Variants in RSPO2 observed in about 807,000 individuals in gnomAD.
RSPO2 encodes the protein R-spondin 2, also known as R-spondin-2.
A neutral mutation model predicts 30.9 loss-of-function variants in RSPO2; 14 were observed. The ratio of observed to expected loss-of-function variants is 0.45; its 90% confidence interval spans 0.30 to 0.71. RSPO2 has a LOEUF of 0.71. RSPO2 is among the 30% of genes least tolerant of loss of function. The pLI, the probability that RSPO2 is intolerant of heterozygous loss-of-function variation, is 0.08. For missense variants in RSPO2, 264 were observed against 301.9 expected, an observed-to-expected ratio of 0.87 and a Z score of 0.93; for synonymous variants, 107 against 96.4, an observed-to-expected ratio of 1.11 and a Z score of -0.64.
chr8:108,042,293 G>C (rs1209512982), intron 2 of RSPO2, among the ~76,000 whole-genome samples: 1 of 152,154 alleles, frequency 6.6e-6, no homozygotes, highest in Non-Finnish European at 1.5e-5. Flanking sequence ...CTGTGGACTG[G>C]TGATAACGTG....
intron 5 of RSPO2, among the ~76,000 whole-genome samples, chr8:107,944,072 A>G (rs1812979615): frequency 6.6e-6 from 1 of 152,258 alleles, no homozygotes; most frequent in African/African-American, 2.4e-5. Context: ...CTCTTCAAAT[A>G]AGCCAAAGTC....
chr8:108,049,590 C>A (rs987639855), intron 2 of RSPO2, among the ~76,000 whole-genome samples: 1 of 151,682 alleles, frequency 6.6e-6, no homozygotes, highest in African/African-American at 2.4e-5. Flanking sequence ...TGTGATGTTC[C>A]CCCCTTCCTG....
At chr8:108,037,198 G>A (rs1314981623) in intron 2 of RSPO2, among the ~76,000 whole-genome samples, 4 of 152,130 alleles carry the variant, frequency 2.6e-5, no homozygotes, top group Non-Finnish European at 5.9e-5. Context: ...TGAATGCAAA[G>A]GAAAAGTTCT....
chr8:107,964,823 C>T (rs921802193), intron 3 of RSPO2, among the ~76,000 whole-genome samples: 1 of 152,144 alleles, frequency 6.6e-6, no homozygotes, highest in African/African-American at 2.4e-5. Flanking sequence ...ACTCTATTAA[C>T]TCATTTTTAT....
At chr8:107,934,217 C>CA (rs574554029) in intron 5 of RSPO2, among the ~76,000 whole-genome samples, 25 of 151,384 alleles carry the variant, frequency 1.7e-4, no homozygotes, top group Admixed American at 7.2e-4. Context: ...AATATGTTGG[C>CA]AAAAAAAATC....
chr8:107,915,383 C>T (rs915305059), intron 5 of RSPO2, among the ~76,000 whole-genome samples: 4 of 152,108 alleles, frequency 2.6e-5, no homozygotes, highest in African/African-American at 7.2e-5. Context: ...GGTTCTGTAG[C>T]ACCGTGGTGG....
chr8:107,965,176 C>G (rs1813757149), intron 3 of RSPO2, among the ~76,000 whole-genome samples: 1 of 152,114 alleles, frequency 6.6e-6, no homozygotes, highest in Non-Finnish European at 1.5e-5. Context: ...CCTAGTTCAG[C>G]CAACTTACAT....
At chr8:107,996,066 A>C (rs1815010772) in intron 2 of RSPO2, among the ~76,000 whole-genome samples, 1 of 152,076 alleles carries the variant, frequency 6.6e-6, no homozygotes, top group Admixed American at 6.6e-5. Context: ...AGTGAGGTTC[A>C]AAAAAATTAG....
intron 2 of RSPO2, among the ~76,000 whole-genome samples, chr8:108,056,045 T>C (rs1007713515): frequency 1.6e-4 from 25 of 152,162 alleles, no homozygotes; most frequent in African/African-American, 4.6e-4. Flanking sequence ...GAAAAATAGG[T>C]CTACCTCACA....
rs944444728 is a variant in RSPO2, at chr8:108,057,415, C to A, written c.94+25130G>T. 2.6e-5 allele frequency among the ~76,000 whole-genome samples: 4 copies of A among 152,026 alleles called. No individual in the cohort carries two copies. In the East Asian group the frequency reaches 7.7e-4, roughly 29 times the overall value. ...TGTTCTCTATTTTTCAAATTGCCAA[C>A]AATGAATAGATTTTGGGCTTATATT... is the stretch of plus-strand genomic sequence containing the variant. On this transcript the variant is annotated intron_variant, in intron 2 of 5. Coordinates refer to ENST00000276659, the MANE Select transcript of RSPO2 (RefSeq NM_178565.5).
chr8:108,018,417 A>G (rs1013671973), intron 2 of RSPO2, among the ~76,000 whole-genome samples: 1 of 152,222 alleles, frequency 6.6e-6, no homozygotes, highest in African/African-American at 2.4e-5. Flanking sequence ...AGGAGACCTC[A>G]AGCAGCCAAC....
At chr8:107,943,441 T>C (rs1372123522) in intron 5 of RSPO2, among the ~76,000 whole-genome samples, 2 of 152,208 alleles carry the variant, frequency 1.3e-5, no homozygotes, top group Non-Finnish European at 2.9e-5. Flanking sequence ...AAGTTCTTAA[T>C]AAATGCAAGG....
At chr8:107,926,101 A>C (rs902281577) in intron 5 of RSPO2, among the ~76,000 whole-genome samples, 273 of 152,118 alleles carry the variant, frequency 1.8e-3, no homozygotes, top group Middle Eastern at 0.01. Context: ...GCCATTCTAA[A>C]TGGTGTGAGA....
At chr8:107,902,660 T>C (rs984716946) in intron 5 of RSPO2, among the ~76,000 whole-genome samples, 1 of 152,046 alleles carries the variant, frequency 6.6e-6, no homozygotes, top group Non-Finnish European at 1.5e-5. Context: ...AAAGGATCTG[T>C]TTTAAGGATG....
intron 2 of RSPO2, among the ~76,000 whole-genome samples, chr8:108,059,161 TAAAC>T (rs1418654746): frequency 6.7e-6 from 1 of 149,834 alleles, no homozygotes; most frequent in Non-Finnish European, 1.5e-5. Context: ...AAGAAAAAAA[TAAAC>T]AACCCCATCA....
chr8:108,057,362 A>AT (rs1812288781), intron 2 of RSPO2, among the ~76,000 whole-genome samples: 1 of 152,132 alleles, frequency 6.6e-6, no homozygotes, highest in African/African-American at 2.4e-5. Flanking sequence ...TAGAAAGGTT[A>AT]TTGGTAGTTG....
At chr8:107,995,730 G>A (rs1019384650) in intron 2 of RSPO2, among the ~76,000 whole-genome samples, 1 of 151,982 alleles carries the variant, frequency 6.6e-6, no homozygotes, top group Non-Finnish European at 1.5e-5. Context: ...TTCTCCTACA[G>A]ATTTGATTCT....
intron 3 of RSPO2, among the ~76,000 whole-genome samples, chr8:107,963,229 G>GT (rs1010850736): frequency 8.1e-6 from 1 of 123,294 alleles, no homozygotes; most frequent in Non-Finnish European, 1.9e-5. Context: ...CCATTGTTAA[G>GT]TTAAAAAAAA....
chr8:107,942,057 A>G (rs2130377138), intron 5 of RSPO2, among the ~76,000 whole-genome samples: 1 of 152,272 alleles, frequency 6.6e-6, no homozygotes, highest in Non-Finnish European at 1.5e-5. Flanking sequence ...TAGTAACTTA[A>G]GAGAATCAAC....
Sources: gnomAD v4.1 joint callset for allele counts (sites outside exome capture counted in the v4.1 genomes callset) on GRCh38, gnomAD v4.1.1 for gene constraint, MANE v1.5 for transcripts, NCBI Gene and HGNC (gene_info 2026-07-23, HGNC 2026-07-21) for gene names.